The following TYR variants were observed in gnomAD, a reference collection of about 807,000 sequenced individuals.
The protein encoded by TYR is tyrosinase, also known as LB24-AB.
Under a neutral mutation model 51.5 loss-of-function variants are expected in TYR, and 58 were observed. The observed-to-expected ratio is 1.13, with a 90% confidence interval of 0.91 to 1.40. The LOEUF is 1.40. Ranked by LOEUF, TYR falls within the 40% of genes most tolerant of loss-of-function variation. The pLI, the probability that TYR is intolerant of heterozygous loss-of-function variation, is 0.00. For missense variants in TYR, 732 were observed against 647.4 expected (o/e 1.13, Z -1.42); for synonymous variants, 263 against 235.2 (o/e 1.12, Z -1.08).
intron 4 of TYR, among the ~76,000 whole-genome samples, chr11:89,287,902 A>G (rs577609784): frequency 1.8e-4 from 27 of 152,062 alleles, no homozygotes; most frequent in African/African-American, 5.5e-4. Flanking sequence ...TTAATTTGAT[A>G]TTATTTTGAA....
intron 2 of TYR, among the ~76,000 whole-genome samples, chr11:89,192,601 C>T (rs779823353): frequency 6.6e-6 from 1 of 151,996 alleles, no homozygotes; most frequent in Non-Finnish European, 1.5e-5. Context: ...TATTCAAAAC[C>T]ATAATCTCAG....
chr11:89,247,341 G>T (rs1944279727), intron 3 of TYR, among the ~76,000 whole-genome samples: 1 of 152,164 alleles, frequency 6.6e-6, no homozygotes, highest in Admixed American at 6.5e-5. Flanking sequence ...TTGTATAATT[G>T]ATAACTCTGA....
At chr11:89,197,429 ATG>A (rs1943535537) in intron 2 of TYR, among the ~76,000 whole-genome samples, 1 of 152,186 alleles carries the variant, frequency 6.6e-6, no homozygotes, top group Admixed American at 6.6e-5. Context: ...AATACATTAA[ATG>A]TTAGCTGTCA....
intron 4 of TYR, 80 bp downstream of exon 4, chr11:89,285,034 T>C: frequency 8.3e-7 from 1 of 1,211,370 alleles, no homozygotes; most frequent in Admixed American, 1.7e-5. Flanking sequence ...ACTTTATGCT[T>C]CGACAATGTT....
At chr11:89,209,524 G>C (rs767112526) in intron 2 of TYR, among the ~76,000 whole-genome samples, 7 of 152,268 alleles carry the variant, frequency 4.6e-5, no homozygotes, top group Middle Eastern at 3.4e-3. Context: ...CCACCTCTGG[G>C]GGCAGGGCAT....
intron 3 of TYR, among the ~76,000 whole-genome samples, chr11:89,270,698 A>T (rs1430680177): frequency 6.6e-6 from 1 of 151,970 alleles, no homozygotes; most frequent in East Asian, 1.9e-4. Flanking sequence ...TAAAAAATTT[A>T]ATCTTAAATA....
At chr11:89,264,742 A>AAG (rs1944504884) in intron 3 of TYR, among the ~76,000 whole-genome samples, 1 of 151,548 alleles carries the variant, frequency 6.6e-6, no homozygotes, top group African/African-American at 2.4e-5. Context: ...AGCCAAAAAA[A>AAG]AAAAACAAAC....
intron 2 of TYR, among the ~76,000 whole-genome samples, chr11:89,210,730 A>T (rs977935806): frequency 7.2e-5 from 11 of 152,214 alleles, no homozygotes; most frequent in Non-Finnish European, 1.3e-4. Context: ...AGGTTGGGTT[A>T]CCCACAAAGG....
At chr11:89,196,689 T>C (rs999629104) in intron 2 of TYR, among the ~76,000 whole-genome samples, 4 of 152,196 alleles carry the variant, frequency 2.6e-5, no homozygotes, top group Non-Finnish European at 5.9e-5. Flanking sequence ...AGTTTATGAC[T>C]ATGGAAACTT....
At position 89,228,131 on chromosome 11, in the gene TYR, T is replaced by G. The variant is rs76546633; in HGVS notation, c.1184+161T>G. On this transcript the variant is annotated intron_variant, in intron 3 of 4. Transcript: ENST00000263321. ...ACAGACCTTAGGCTAAGAATTTGCATGCAAATGTATAATAAAGAAAGTGTT... is the reference window on the plus strand; with the variant it reads ...ACAGACCTTAGGCTAAGAATTTGCAGGCAAATGTATAATAAAGAAAGTGTT... 0.025 allele frequency among the ~76,000 whole-genome samples: 3,830 copies of G among 152,204 alleles called. 173 individuals are homozygous for G. Among genetic ancestry groups the G allele is most frequent in the African/African-American group, 0.088 (3,665 of 41,534 alleles).
At chr11:89,234,984 A>G (rs1054986900) in intron 3 of TYR, among the ~76,000 whole-genome samples, 5 of 152,162 alleles carry the variant, frequency 3.3e-5, no homozygotes, top group African/African-American at 1.2e-4. Flanking sequence ...TAAAAAAAAA[A>G]AAAATGCAGT....
chr11:89,229,794 C>T (rs11018543), intron 3 of TYR, among the ~76,000 whole-genome samples: 12,227 of 151,784 alleles, frequency 0.081, 562 homozygotes, highest in South Asian at 0.15. Context: ...ACCCCATGTA[C>T]GACAGCATCA....
chr11:89,227,150 A>G (rs1943986930), intron 2 of TYR, among the ~76,000 whole-genome samples: 1 of 152,176 alleles, frequency 6.6e-6, no homozygotes, highest in African/African-American at 2.4e-5. Context: ...ATAGAAGAAC[A>G]TATGTCACAA....
chr11:89,209,916 A>G (rs1029287489), intron 2 of TYR, among the ~76,000 whole-genome samples: 1 of 152,240 alleles, frequency 6.6e-6, no homozygotes, highest in African/African-American at 2.4e-5. Flanking sequence ...AAGGAATACC[A>G]TCAACATCAA....
At chr11:89,279,538 C>T (rs1051537224) in intron 3 of TYR, among the ~76,000 whole-genome samples, 1 of 151,638 alleles carries the variant, frequency 6.6e-6, no homozygotes, top group Non-Finnish European at 1.5e-5. Context: ...ATAAAATAAA[C>T]AATTTTCCCT....
At chr11:89,289,675 CAAGT>C (rs1944834561) in intron 4 of TYR, among the ~76,000 whole-genome samples, 1 of 151,920 alleles carries the variant, frequency 6.6e-6, no homozygotes, top group Non-Finnish European at 1.5e-5. Context: ...AAAGATAAAA[CAAGT>C]AAGACATAAT....
At chr11:89,252,121 T>C (rs1944338061) in intron 3 of TYR, among the ~76,000 whole-genome samples, 1 of 151,868 alleles carries the variant, frequency 6.6e-6, no homozygotes, top group Non-Finnish European at 1.5e-5. Context: ...ATTTTTAAGA[T>C]ATTTTATGTG....
At chr11:89,277,599 A>G (rs931532245) in intron 3 of TYR, among the ~76,000 whole-genome samples, 11 of 151,672 alleles carry the variant, frequency 7.3e-5, no homozygotes, top group African/African-American at 2.7e-4. Flanking sequence ...TGTCTCAAAA[A>G]CATCTTACAG....
At chr11:89,184,091 T>C (rs1014478191) in intron 1 of TYR, among the ~76,000 whole-genome samples, 3 of 152,086 alleles carry the variant, frequency 2.0e-5, no homozygotes, top group African/African-American at 7.2e-5. Flanking sequence ...TAATATAATT[T>C]CTCCTAGCCT....
Sources: allele counts gnomAD v4.1 joint callset (sites outside exome capture counted in the v4.1 genomes callset), GRCh38; gene constraint gnomAD v4.1.1; transcripts MANE v1.5; gene names NCBI Gene and HGNC (gene_info 2026-07-23, HGNC 2026-07-21).